The following IRGM variants were observed in gnomAD, a reference collection of about 807,000 sequenced individuals.
IRGM encodes immunity-related GTPase family M protein.
For missense variants in IRGM, 288 were observed against 219.9 expected (o/e 1.31, Z -1.96); for synonymous variants, 98 against 80.6 (o/e 1.22, Z -1.16).
chr5:150,871,928 G>T (rs1464722107), intron 1 of IRGM, among the ~76,000 whole-genome samples: 1 of 152,122 alleles, frequency 6.6e-6, no homozygotes, highest in Non-Finnish European at 1.5e-5. Flanking sequence ...ACCTAAATAC[G>T]ATTGGTTTTC....
rs58354510 is a variant in IRGM, at chr5:150,882,227, G to GAA, written c.*140+2590_*140+2591dup. On this transcript the variant is annotated intron_variant and NMD_transcript_variant, in intron 3 of 3. Coordinates refer to the IRGM transcript ENST00000520549. ...GAATGAGGCCCTGTCTCAAAAAAAA[G>GAA]AAAAAAAAAAGAAAAAGAATCAATG... Among the ~76,000 whole-genome samples, 531 of 136,700 alleles carry GAA rather than the reference G, an allele frequency of 3.9e-3. 5 individuals are homozygous for GAA. Among genetic ancestry groups the GAA allele is most frequent in the African/African-American group, 0.013 (502 of 38,346 alleles). 89.7% of individuals were successfully genotyped at this position (136,700 alleles called of 152,430 possible).
At chr5:150,869,887 A>G (rs1442852916) in intron 1 of IRGM, among the ~76,000 whole-genome samples, 1 of 152,110 alleles carries the variant, frequency 6.6e-6, no homozygotes, top group Non-Finnish European at 1.5e-5. Flanking sequence ...TATTGCTCTC[A>G]ATTTGTCTCA....
chr5:150,897,122 G>C (rs538032641), intron 3 of IRGM: 210 of 556,494 alleles, frequency 3.8e-4, no homozygotes, highest in African/African-American at 3.7e-3. Context: ...ACAGCATATA[G>C]TGTTATCAGG....
intron 3 of IRGM, chr5:150,879,657 A>G (rs1458428192): frequency 1.3e-5 from 2 of 152,228 alleles, no homozygotes; most frequent in Non-Finnish European, 2.9e-5. Context: ...GTAAGTATTT[A>G]GAAACTTTCT....
chr5:150,866,776 G>T (rs147613082), intron 1 of IRGM, among the ~76,000 whole-genome samples: 1 of 152,230 alleles, frequency 6.6e-6, no homozygotes, highest in East Asian at 1.9e-4. Flanking sequence ...CAAGAGATGA[G>T]TATCTTAGGG....
At chr5:150,860,948 G>T (rs1367188700) in intron 1 of IRGM, among the ~76,000 whole-genome samples, 1 of 152,074 alleles carries the variant, frequency 6.6e-6, no homozygotes, top group Non-Finnish European at 1.5e-5. Context: ...CTTATCATGT[G>T]CACTCTAATG....
At chr5:150,883,012 T>G (rs2344181) in intron 3 of IRGM, among the ~76,000 whole-genome samples, 32,207 of 152,082 alleles carry the variant, frequency 0.21, 5,545 homozygotes, top group African/African-American at 0.46. Context: ...ATTATTTCAA[T>G]TATCTTTTCC....
chr5:150,848,527 A>G lies in IRGM; in HGVS notation c.404A>G (p.Glu135Gly). 6.4e-7 allele frequency: 1 copy of G among 1,551,858 alleles called. No individual in the cohort carries two copies. Among genetic ancestry groups the G allele is most frequent in the South Asian group, 1.2e-5 (1 of 84,066 alleles). The change falls in exon 2 of 2, where the codon GAG becomes GGG. Residue 135 changes from glutamate (E) to glycine (G), a missense_variant. Coordinates refer to ENST00000522154, the MANE Select transcript of IRGM (RefSeq NM_001145805.2). ...CATGTGATGCTTGCCAAAACCGCTGAGGACATGGGAAAGAAGTTCTACATT... is the reference window on the plus strand; with the variant it reads ...CATGTGATGCTTGCCAAAACCGCTGGGGACATGGGAAAGAAGTTCTACATT... ...MNHVMLAKTAEDMGKKFYIVW... is the reference protein window; with the variant it reads ...MNHVMLAKTAGDMGKKFYIVW...
At chr5:150,875,271 C>T (rs1421523322) in intron 1 of IRGM, among the ~76,000 whole-genome samples, 1 of 152,180 alleles carries the variant, frequency 6.6e-6, no homozygotes, top group African/African-American at 2.4e-5. Context: ...CAACCTCTTT[C>T]TAGGACATCC....
chr5:150,896,500 C>T, intron 3 of IRGM: 1 of 1,613,452 alleles, frequency 6.2e-7, no homozygotes, highest in South Asian at 1.1e-5. Flanking sequence ...AAAACGTTTC[C>T]ACACTGATTA....
intron 3 of IRGM, among the ~76,000 whole-genome samples, chr5:150,883,052 T>C (rs1232273929): frequency 6.6e-6 from 1 of 152,150 alleles, no homozygotes; most frequent in East Asian, 1.9e-4. Flanking sequence ...TAGAAATCAA[T>C]AACAGAAGGA....
At chr5:150,900,856 C>T (rs1000009084), downstream of IRGM, 9 of 152,140 alleles carry the variant, frequency 5.9e-5, no homozygotes, top group Admixed American at 4.6e-4. Context: ...TGTTATCATT[C>T]TAACATTCTG....
At chr5:150,896,026 C>T (rs1424213459) in intron 3 of IRGM, 1 of 1,613,538 alleles carries the variant, frequency 6.2e-7, no homozygotes, top group Non-Finnish European at 8.5e-7. Context: ...GGCTTCTCTC[C>T]AGTATGAGCT....
chr5:150,870,934 T>C (rs1754274066), intron 1 of IRGM, among the ~76,000 whole-genome samples: 1 of 151,602 alleles, frequency 6.6e-6, no homozygotes, highest in Non-Finnish European at 1.5e-5. Context: ...GAAGGAAAGC[T>C]CCAAATTATG....
At chr5:150,857,705 G>GTTTTGGCTGCATAAATGTCTTC (rs1258278053) in intron 1 of IRGM, among the ~76,000 whole-genome samples, 6 of 151,714 alleles carry the variant, frequency 4.0e-5, no homozygotes, top group African/African-American at 1.5e-4. Context: ...TTTCATGTGT[G>GTTTTGGCTGCATAAATGTCTTC]TTTTGGCTGC....
downstream of IRGM, among the ~76,000 whole-genome samples, chr5:150,853,187 C>T (rs748520960): frequency 6.6e-6 from 1 of 151,982 alleles, no homozygotes; most frequent in South Asian, 2.1e-4. Context: ...TCTTATTTAA[C>T]CCATTGGTTG....
At chr5:150,888,321 C>T (rs1411961074) in intron 3 of IRGM, among the ~76,000 whole-genome samples, 1 of 151,920 alleles carries the variant, frequency 6.6e-6, no homozygotes, top group Non-Finnish European at 1.5e-5. Context: ...TCTTAGAGAC[C>T]TACAAAGAGA....
At chr5:150,858,632 G>T (rs1304234877) in intron 1 of IRGM, among the ~76,000 whole-genome samples, 1 of 151,858 alleles carries the variant, frequency 6.6e-6, no homozygotes, top group African/African-American at 2.4e-5. Flanking sequence ...TCCTTGAAGA[G>T]GTCCTTCACA....
In IRGM at chr5:150,848,633, G is replaced by T; in HGVS notation, c.510G>T (p.Leu170=). ...VQLLQIRENV[L]ENLQKERVCE... is the part of the protein sequence containing the mutation. ...TACTGCAGATCAGAGAAAATGTCCT[G>T]GAAAATCTCCAGAAGGAGCGGGTAT... Residue 170 remains leucine, a synonymous_variant, in exon 2 of 2, where the codon CTG becomes CTT. Coordinates refer to ENST00000522154, the MANE Select transcript of IRGM (RefSeq NM_001145805.2). 3 of 1,544,516 alleles carry T rather than the reference G, an allele frequency of 1.9e-6. No individual in the cohort carries two copies. Among genetic ancestry groups the T allele is most frequent in the Non-Finnish European group, 2.6e-6 (3 of 1,141,588 alleles).
Sources: allele counts gnomAD v4.1 joint callset (sites outside exome capture counted in the v4.1 genomes callset), GRCh38; gene constraint gnomAD v4.1.1; transcripts MANE v1.5; gene names NCBI Gene and HGNC (gene_info 2026-07-23, HGNC 2026-07-21).